The following CNBD1 variants were observed in gnomAD, a reference collection of about 807,000 sequenced individuals.
CNBD1 encodes cyclic nucleotide-binding domain-containing protein 1.
In CNBD1, 71 loss-of-function variants were observed where a neutral mutation model predicts 54.4. The observed-to-expected ratio is 1.30, with a 90% confidence interval of 1.08 to 1.59. The LOEUF is 1.59. Ranked by LOEUF, CNBD1 falls within the 40% of genes most tolerant of loss-of-function variation. The probability of loss-of-function intolerance (pLI) is 0.00; values close to 1 mark genes in which losing one functional copy is unlikely to be tolerated. For synonymous variants in CNBD1, 182 were observed against 170.7 expected (o/e 1.07, Z -0.51); for missense variants, 659 against 518.0 (o/e 1.27, Z -2.64).
chr8:86,901,325 G>A (rs1259761217), intron 2 of CNBD1, among the ~76,000 whole-genome samples: 1 of 151,144 alleles, frequency 6.6e-6, no homozygotes, highest in East Asian at 2.0e-4. Flanking sequence ...ATATTTGTAA[G>A]ACAAATTCAG....
In CNBD1 at chr8:87,292,332, A is replaced by G. The variant is rs192638693; in HGVS notation, c.1042+5661A>G. The stretch of plus-strand genomic sequence containing the variant: ...GGAAAACATTAGCACGGCATTAAGG[A>G]CAGCAATAGTTAAAGAAGTTTGAAA... On this transcript the variant is annotated intron_variant, in intron 8 of 10. Transcript: ENST00000518476. Among the ~76,000 whole-genome samples, 412 of 152,338 alleles carry G rather than the reference A, an allele frequency of 2.7e-3. 1 individual carries two copies. The highest frequency in any genetic ancestry group is 9.4e-3 in the African/African-American group (393 of 41,594).
chr8:87,382,139 G>T (rs1031810113), intron 10 of CNBD1, among the ~76,000 whole-genome samples: 6 of 151,036 alleles, frequency 4.0e-5, no homozygotes, highest in Non-Finnish European at 7.4e-5. Flanking sequence ...TTTAACATTT[G>T]ATTAAAAAAT....
intron 1 of CNBD1, among the ~76,000 whole-genome samples, chr8:86,875,520 T>C (rs1808507961): frequency 6.6e-6 from 1 of 152,252 alleles, no homozygotes; most frequent in Non-Finnish European, 1.5e-5. Flanking sequence ...TGTACTTTTT[T>C]TAAATCTATA....
intron 8 of CNBD1, among the ~76,000 whole-genome samples, chr8:87,333,719 A>G (rs1430087882): frequency 6.6e-6 from 1 of 152,176 alleles, no homozygotes; most frequent in African/African-American, 2.4e-5. Flanking sequence ...GATGAAGCCG[A>G]CTTGATCATG....
chr8:86,994,789 A>G (rs573479558), intron 4 of CNBD1, among the ~76,000 whole-genome samples: 2 of 151,998 alleles, frequency 1.3e-5, no homozygotes, highest in African/African-American at 2.4e-5. Context: ...TGCTCAAAGT[A>G]GGTTGGTTTT....
intron 4 of CNBD1, among the ~76,000 whole-genome samples, chr8:87,041,974 G>C (rs58481311): frequency 0.031 from 4,707 of 152,172 alleles, 251 homozygotes; most frequent in African/African-American, 0.11. Flanking sequence ...GATGACGAAG[G>C]TGACTTTATT....
At chr8:87,421,098 T>A (rs1807926437) in intron 2 of CNBD1, among the ~76,000 whole-genome samples, 1 of 152,014 alleles carries the variant, frequency 6.6e-6, no homozygotes, top group Non-Finnish European at 1.5e-5. Flanking sequence ...AGATAGATAT[T>A]TTTTCAATAT....
intron 8 of CNBD1, among the ~76,000 whole-genome samples, chr8:87,335,984 G>C (rs1293538799): frequency 6.6e-6 from 1 of 152,094 alleles, no homozygotes; most frequent in African/African-American, 2.4e-5. Flanking sequence ...GGCTGGATAT[G>C]GGTTGAAAAT....
intron 8 of CNBD1, among the ~76,000 whole-genome samples, chr8:87,331,039 G>C (rs1221829396): frequency 6.6e-6 from 1 of 151,984 alleles, no homozygotes; most frequent in Admixed American, 6.6e-5. Flanking sequence ...ATATTTGTTA[G>C]TTTTCTTTTT....
chr8:87,129,132 CT>C (rs1294487905), intron 4 of CNBD1, among the ~76,000 whole-genome samples: 1 of 127,614 alleles, frequency 7.8e-6, no homozygotes, highest in Non-Finnish European at 1.6e-5. Context: ...CTGTAATTTT[CT>C]TTTTTGGTAA....
chr8:86,926,994 T>A (rs932284005), intron 3 of CNBD1, among the ~76,000 whole-genome samples: 1 of 152,142 alleles, frequency 6.6e-6, no homozygotes, highest in Admixed American at 6.5e-5. Context: ...ATGTTGGGAC[T>A]TAGGAAGACT....
chr8:87,124,212 A>G (rs1364555807), intron 4 of CNBD1, among the ~76,000 whole-genome samples: 1 of 151,710 alleles, frequency 6.6e-6, no homozygotes, highest in Non-Finnish European at 1.5e-5. Flanking sequence ...AAATAATGCA[A>G]CTTATTCTCA....
At chr8:86,933,528 C>A (rs1809492758) in intron 3 of CNBD1, among the ~76,000 whole-genome samples, 1 of 151,964 alleles carries the variant, frequency 6.6e-6, no homozygotes, top group African/African-American at 2.4e-5. Flanking sequence ...ATATAAAAAA[C>A]TAAAATGGTC....
At chr8:87,357,063 G>A (rs1189687638) in intron 10 of CNBD1, among the ~76,000 whole-genome samples, 1 of 152,208 alleles carries the variant, frequency 6.6e-6, no homozygotes, top group African/African-American at 2.4e-5. Flanking sequence ...AGTTGGGTCT[G>A]CAGGTATATG....
chr8:87,384,283 A>G (rs574625882), downstream of CNBD1, among the ~76,000 whole-genome samples: 7 of 152,244 alleles, frequency 4.6e-5, no homozygotes, highest in East Asian at 1.9e-4. Context: ...AATATTCCAT[A>G]TGTGACAGGC....
intron 4 of CNBD1, among the ~76,000 whole-genome samples, chr8:87,090,373 A>G (rs971675865): frequency 6.6e-6 from 1 of 152,196 alleles, no homozygotes; most frequent in Non-Finnish European, 1.5e-5. Context: ...ATGACTTAAT[A>G]GTACAGTGTT....
At chr8:86,912,222 C>T (rs1407216167) in intron 3 of CNBD1, among the ~76,000 whole-genome samples, 3 of 152,042 alleles carry the variant, frequency 2.0e-5, no homozygotes, top group African/African-American at 7.2e-5. Context: ...TTAACTTTAA[C>T]AATGTATAGT....
intron 4 of CNBD1, among the ~76,000 whole-genome samples, chr8:87,140,059 A>G (rs1433055754): frequency 6.6e-6 from 1 of 152,196 alleles, no homozygotes; most frequent in Non-Finnish European, 1.5e-5. Flanking sequence ...AAGGAAAAAA[A>G]AATTGTAATA....
chr8:87,351,572 AACTT>A, intron 8 of CNBD1, 109 bp from the exon 9 acceptor site: 1 of 1,001,808 alleles, frequency 1.0e-6, no homozygotes, highest in East Asian at 3.3e-5. Context: ...TCTATTAAGA[AACTT>A]ACTATTAATA....
Sources: gnomAD v4.1 joint callset for allele counts (sites outside exome capture counted in the v4.1 genomes callset) on GRCh38, gnomAD v4.1.1 for gene constraint, MANE v1.5 for transcripts, NCBI Gene and HGNC (gene_info 2026-07-23, HGNC 2026-07-21) for gene names.